Variants in CHD6 observed in about 807,000 individuals in gnomAD.
CHD6 encodes chromodomain helicase DNA binding protein 6, also known as ATP-dependent chromatin remodeler CHD6.
CHD6 carries 50 observed loss-of-function variants against 276.9 expected under a neutral mutation model. That is an observed-to-expected ratio of 0.18 (90% CI 0.14 to 0.23). CHD6 has a LOEUF of 0.23. CHD6 is among the 10% of genes least tolerant of loss of function. The pLI is 1.00. For synonymous variants in CHD6, 1,173 were observed against 1,229.3 expected, an observed-to-expected ratio of 0.95 and a Z score of 0.96; for missense variants, 2,564 against 3,365.8, an observed-to-expected ratio of 0.76 and a Z score of 5.89.
intron 1 of CHD6, among the ~76,000 whole-genome samples, chr20:41,609,346 C>T (rs1290898701): frequency 1.3e-5 from 2 of 152,100 alleles, no homozygotes; most frequent in African/African-American, 2.4e-5. Flanking sequence ...GAAAGTCAGA[C>T]AAAAAAGCCA....
chr20:41,420,841 C>G lies in CHD6; in HGVS notation c.5794G>C (p.Ala1932Pro), dbSNP rs113050531. Residue 1932 changes from alanine (A) to proline (P), a missense_variant, in exon 31 of 37, where the codon GCT (alanine) becomes CCT (proline). By Grantham distance (27) the Ala-to-Pro change is conservative (BLOSUM62 -1). Transcript: ENST00000373233. ...CAGTGGCACTGACAGGCTGCTGGAG[C>G]GGGGAAAGCCCTCTGTAGCCCAGGA... is the stretch of plus-strand genomic sequence containing the variant. Reference protein sequence around the residue: ...QTPGLQRAFPAPAACQCHCKH... With the variant: ...QTPGLQRAFPPPAACQCHCKH... The G allele has an allele frequency of 1.9e-6, 3 of 1,614,162 alleles. No individual in the cohort carries two copies. The Admixed American group carries it at 5.0e-5, about 27-fold the overall frequency.
chr20:41,479,722 TG>T (rs1457975574), intron 16 of CHD6, among the ~76,000 whole-genome samples: 2 of 152,080 alleles, frequency 1.3e-5, no homozygotes, highest in Non-Finnish European at 1.5e-5. Flanking sequence ...TTACAAAAAA[TG>T]TTCTGTGAAA....
chr20:41,538,427 A>G (rs2044877799), intron 2 of CHD6, among the ~76,000 whole-genome samples: 1 of 152,216 alleles, frequency 6.6e-6, no homozygotes, highest in African/African-American at 2.4e-5. Flanking sequence ...CCTTGAAAAC[A>G]GGCTAAATGA....
At chr20:41,412,631 G>A (rs187105417) in intron 35 of CHD6, among the ~76,000 whole-genome samples, 1 of 152,318 alleles carries the variant, frequency 6.6e-6, no homozygotes, top group Admixed American at 6.5e-5. Context: ...TCTGGAGGGT[G>A]CACATCTGTG....
intron 2 of CHD6, among the ~76,000 whole-genome samples, chr20:41,545,981 C>T (rs1051882942): frequency 6.6e-6 from 1 of 152,150 alleles, no homozygotes; most frequent in South Asian, 2.1e-4. Context: ...TGATCTTCCA[C>T]CACAAGGTAA....
At chr20:41,553,321 T>C (rs1316176844) in intron 1 of CHD6, among the ~76,000 whole-genome samples, 1 of 152,254 alleles carries the variant, frequency 6.6e-6, no homozygotes, top group Non-Finnish European at 1.5e-5. Flanking sequence ...AAGTAGTAGT[T>C]TCTTTTAAAG....
At chr20:41,599,624 T>C (rs923338876) in intron 1 of CHD6, among the ~76,000 whole-genome samples, 2 of 152,072 alleles carry the variant, frequency 1.3e-5, no homozygotes, top group African/African-American at 4.8e-5. Context: ...AAAGCCAAGA[T>C]ATGTTACAAA....
intron 1 of CHD6, 42 bp from the exon 2 acceptor site, chr20:41,551,402 C>T: frequency 1.1e-6 from 1 of 875,944 alleles, no homozygotes; most frequent in South Asian, 1.4e-5. Flanking sequence ...TGACAAAACC[C>T]AAAATAAAAC....
chr20:41,523,389 AT>A (rs528358097), intron 3 of CHD6, among the ~76,000 whole-genome samples: 99 of 152,344 alleles, frequency 6.5e-4, no homozygotes, highest in African/African-American at 2.3e-3. Context: ...AAGAAATAAC[AT>A]TTTTGAGAGT....
At chr20:41,592,191 T>G (rs2045670152) in intron 1 of CHD6, among the ~76,000 whole-genome samples, 1 of 152,162 alleles carries the variant, frequency 6.6e-6, no homozygotes. Context: ...ACTATCAGCA[T>G]TTTCATGGTT....
At chr20:41,469,321 T>A (rs2043002298) in intron 17 of CHD6, among the ~76,000 whole-genome samples, 1 of 152,118 alleles carries the variant, frequency 6.6e-6, no homozygotes, top group South Asian at 2.1e-4. Flanking sequence ...TCTTGAACCC[T>A]CTTCAACCCT....
chr20:41,491,946 C>A, intron 10 of CHD6, 127 bp from the exon 11 acceptor site: 1 of 988,232 alleles, frequency 1.0e-6, no homozygotes, highest in Non-Finnish European at 1.5e-6. Flanking sequence ...TTATTACCTT[C>A]TGAGTAACGT....
intron 1 of CHD6, among the ~76,000 whole-genome samples, chr20:41,615,942 G>C (rs944706728): frequency 2.0e-5 from 3 of 152,216 alleles, no homozygotes; most frequent in Non-Finnish European, 4.4e-5. Context: ...ACACATAGTA[G>C]CCCAAGGGCC....
rs768971737 is a variant in CHD6 at position 41,473,297 on chromosome 20, A to C, written c.2664+25T>G. 2.0e-5 allele frequency: 32 copies of C among 1,609,884 alleles called. No individual in the cohort carries two copies. The highest frequency in any genetic ancestry group is 2.7e-5 in the Non-Finnish European group (32 of 1,177,352). ...TTCTGGGATCCAGGGCAGCTAAGGT[A>C]AACAGCAATCATCCTAGTGGTTACC... On this transcript the variant is annotated intron_variant, in intron 17 of 36. Transcript: ENST00000373233. This position sits in a 1 kb window ranked among gnomAD's most constrained non-coding sequence, Gnocchi z 4.1.
intron 1 of CHD6, among the ~76,000 whole-genome samples, chr20:41,598,826 G>T (rs1201618311): frequency 6.6e-6 from 1 of 152,170 alleles, no homozygotes; most frequent in African/African-American, 2.4e-5. Context: ...TGGTACTGTG[G>T]TGGACCACTA....
In CHD6 at chr20:41,425,323, G is replaced by C. The variant is rs1196067928; in HGVS notation, c.4201C>G (p.Leu1401Val). Residue 1401 changes from leucine to valine, a missense_variant, in exon 29 of 37, where the codon CTG becomes GTG. Around this residue, in one of 7 missense-constraint regions of CHD6, gnomAD observed 515 missense variants for 739.5 expected, o/e 0.70. Coordinates refer to ENST00000373233, the MANE Select transcript of CHD6 (RefSeq NM_032221.5). ...TTGCAGCGCTGGTAAACAGTGACCAGACGTCTGAGACGAGCTGTGAGGGCG... is the reference window on the plus strand; with the variant it reads ...TTGCAGCGCTGGTAAACAGTGACCACACGTCTGAGACGAGCTGTGAGGGCG... The part of the protein sequence containing the change: ...SSALTARLRR[L>V]VTVYQRCNRK... 6.2e-7 allele frequency: 1 copy of C among 1,614,226 alleles called. No homozygotes were observed. The highest frequency in any genetic ancestry group is 8.5e-7 in the Non-Finnish European group (1 of 1,180,036).
chr20:41,598,891 A>G (rs928543297), intron 1 of CHD6, among the ~76,000 whole-genome samples: 4 of 152,182 alleles, frequency 2.6e-5, no homozygotes, highest in Non-Finnish European at 4.4e-5. Flanking sequence ...TCAATTGGCC[A>G]TCCCACCCTG....
At chr20:41,521,637 C>G (rs2044400203) in intron 3 of CHD6, among the ~76,000 whole-genome samples, 1 of 152,070 alleles carries the variant, frequency 6.6e-6, no homozygotes, top group African/African-American at 2.4e-5. Flanking sequence ...GTTTTGACAA[C>G]AGAAAGGGCC....
At chr20:41,470,204 G>T (rs1408157913) in intron 17 of CHD6, among the ~76,000 whole-genome samples, 1 of 152,068 alleles carries the variant, frequency 6.6e-6, no homozygotes, top group African/African-American at 2.4e-5. Flanking sequence ...CCATCTCTGT[G>T]GGAGACACAG....
Sources: gnomAD v4.1 joint callset for allele counts (sites outside exome capture counted in the v4.1 genomes callset) on GRCh38, gnomAD v4.1.1 for gene constraint, gnomAD v4.1.1 regional missense constraint, Gnocchi (gnomAD v3.1) non-coding constraint, MANE v1.5 for transcripts, NCBI Gene and HGNC (gene_info 2026-07-23, HGNC 2026-07-21) for gene names.